The following MMP11 variants were observed in gnomAD, a reference collection of about 807,000 sequenced individuals.
The protein encoded by MMP11 is stromelysin-3.
In MMP11, 26 loss-of-function variants were observed where a neutral mutation model predicts 49.5. The observed-to-expected ratio is 0.52, with a 90% CI of 0.38 to 0.73. The LOEUF is 0.73. Among genes scored for constraint, MMP11 ranks in the 30% least tolerant of loss-of-function variants. The pLI is 0.00. For synonymous variants in MMP11, 265 were observed against 282.3 expected, an observed-to-expected ratio of 0.94 and a Z score of 0.62; for missense variants, 624 against 671.2, an observed-to-expected ratio of 0.93 and a Z score of 0.78.
At position 23,779,243 on chromosome 22, in the gene MMP11, G is replaced by T; in HGVS notation, c.165G>T (p.Leu55=). 1 of 1,608,908 alleles carries T rather than the reference G, an allele frequency of 6.2e-7. No homozygotes were observed. The highest frequency in any genetic ancestry group is 8.5e-7 in the Non-Finnish European group (1 of 1,178,376). The change falls in exon 2 of 8, where the codon CTG becomes CTT. Residue 55 remains leucine (L), a synonymous_variant. Coordinates refer to ENST00000215743, the MANE Select transcript of MMP11 (RefSeq NM_005940.5). ...GGCCACAGCCCTGGCATGCAGCCCT[G>T]CCCAGTAGCCCGGCACCTGCCCCTG... ...RRGPQPWHAA[L]PSSPAPAPAT... is the part of the protein sequence containing the mutation.
In MMP11 at chr22:23,780,319, G is replaced by C. The variant is rs750228358; in HGVS notation, c.339-40G>C. The C allele has an allele frequency of 1.9e-6, 3 of 1,611,684 alleles. No homozygotes were observed. The highest frequency in any genetic ancestry group is 4.5e-5 in the East Asian group (2 of 44,884). ...CCTGGTGCCTCAGCCATCGGGGGCT[G>C]TCCCTTCCCTGAGGCCCAGGCCCCT... On this transcript the variant is annotated intron_variant, in intron 2 of 7. Transcript: ENST00000215743. The surrounding 1 kb of genome is among the most constrained non-coding windows in gnomAD (Gnocchi z 4.6).
At chr22:23,779,064 TC>T (rs1927514162) in intron 1 of MMP11, 122 bp from the exon 2 acceptor site, 2 of 764,640 alleles carry the variant, frequency 2.6e-6, no homozygotes, top group Non-Finnish European at 4.2e-6. Context: ...CCTTTCCCTC[TC>T]CATTTGCCCA....
At position 23,780,102 on chromosome 22, in the gene MMP11, AT is replaced by A; in HGVS notation, c.339-256del. On this transcript the variant is annotated intron_variant, in intron 2 of 7. Coordinates refer to ENST00000215743, the MANE Select transcript of MMP11 (RefSeq NM_005940.5). This position sits in a 1 kb window ranked among gnomAD's most constrained non-coding sequence, Gnocchi z 4.6. ...AGTAAGTGGCACTGTCAGGTCTAGG[AT>A]GGGGGTCTCGGGACCCCTGGTCCTG... is the stretch of plus-strand genomic sequence containing the variant. 1 of 551,980 alleles carries A rather than the reference AT, an allele frequency of 1.8e-6. No individual in the cohort carries two copies. Among genetic ancestry groups the A allele is most frequent in the Admixed American group, 3.1e-5 (1 of 32,504 alleles). 34.2% of individuals were successfully genotyped at this position (551,980 alleles called of 1,614,324 possible).
chr22:23,783,590 G>T lies in MMP11; in HGVS notation c.*46G>T. On this transcript the variant is annotated 3_prime_UTR_variant, in exon 8 of 8. Transcript: ENST00000215743. ...GGGGTGCTGACCCCTGCCAGGCCAC[G>T]AATATCAGGCTAGAGACCCATGGCC... 2 of 1,610,164 alleles carry T rather than the reference G, an allele frequency of 1.2e-6. No homozygotes were observed. Among genetic ancestry groups the T allele is most frequent in the Non-Finnish European group, 8.5e-7 (1 of 1,177,076 alleles).
In MMP11 at chr22:23,781,186, ACCCCAGCCAGACG is replaced by A. The variant is rs1253850703; in HGVS notation, c.859-2_869del. 1 of 1,609,982 alleles carries A rather than the reference ACCCCAGCCAGACG, an allele frequency of 6.2e-7. No homozygotes were observed. Among genetic ancestry groups the A allele is most frequent in the Non-Finnish European group, 8.5e-7 (1 of 1,179,780 alleles). The stretch of plus-strand genomic sequence containing the variant: ...CCCTCAGCATGTGTCCCTCTCTCCC[ACCCCAGCCAGACG>A]CCCCGCCAGATGCCTGTGAGGCCTC... On this transcript the variant is annotated splice_acceptor_variant and splice_polypyrimidine_tract_variant and coding_sequence_variant and intron_variant, in exon 6 of 8. Transcript: ENST00000215743. LOFTEE classifies it high-confidence loss of function.
At chr22:23,781,616 G>A (rs1415080986) in intron 6 of MMP11, 6 of 634,060 alleles carry the variant, frequency 9.5e-6, no homozygotes, top group Non-Finnish European at 1.7e-5. Flanking sequence ...TAGGAGCAGC[G>A]TGGAAGGGAT....
At chr22:23,783,345 C>T (rs1927711440) in intron 7 of MMP11, 66 bp from the exon 8 acceptor site, 2 of 1,595,668 alleles carry the variant, frequency 1.3e-6, no homozygotes, top group Non-Finnish European at 1.7e-6. Context: ...TCCCTGGGCA[C>T]AGCCTGACAG....
rs1206296535 is a variant in MMP11, at chr22:23,772,902, C to CCG, written c.40_41dup (p.Leu15ProfsTer76). The CCG allele has an allele frequency of 3.4e-6, 4 of 1,172,160 alleles. No homozygotes were observed. Among genetic ancestry groups the CCG allele is most frequent in the Admixed American group, 4.6e-5 (1 of 21,926 alleles). The allele number at this position is 1,172,160 out of a possible 1,614,324, so 72.6% of individuals were successfully genotyped here. ...CCGGCCGCCTGGCTCCGCAGCGCGG[C>CCG]CGCGCGCGCCCTCCTGCCCCCGATG... On this transcript the variant is annotated frameshift_variant, in exon 1 of 8. Transcript: ENST00000215743. LOFTEE classifies it high-confidence loss of function.
chr22:23,781,465 G>A, intron 6 of MMP11, 56 bp downstream of exon 6: 1 of 1,482,160 alleles, frequency 6.7e-7, no homozygotes, highest in Non-Finnish European at 9.2e-7. Context: ...GAATGTTATG[G>A]CCAAGGGCAG....
At chr22:23,773,254 C>G (rs903941847) in intron 1 of MMP11, among the ~76,000 whole-genome samples, 2 of 152,206 alleles carry the variant, frequency 1.3e-5, no homozygotes, top group African/African-American at 4.8e-5. Context: ...GCCTCTCGCG[C>G]TCCAGCCGCG....
At position 23,781,325 on chromosome 22, in the gene MMP11, T is replaced by C; in HGVS notation, c.991T>C (p.Leu331=). Residue 331 remains leucine, a synonymous_variant, in exon 6 of 8, where the codon TTG becomes CTG. Transcript: ENST00000215743. The part of the protein sequence containing the change: ...GGQLQPGYPA[L]ASRHWQGLPS... ...CCAGCTGCAGCCCGGCTACCCAGCA[T>C]TGGCCTCTCGCCACTGGCAGGGACT... is the stretch of plus-strand genomic sequence containing the variant. 3.1e-6 allele frequency: 5 copies of C among 1,613,330 alleles called. No homozygotes were observed. The highest frequency in any genetic ancestry group is 2.2e-5 in the East Asian group (1 of 44,876).
chr22:23,779,870 A>G lies in MMP11; in HGVS notation c.338+454A>G, dbSNP rs376335475. ...GGTGGAGACAGTGGTAAGCGGGGAG[A>G]GGCAATAGTGGGCATCTCACTGGGT... is the stretch of plus-strand genomic sequence containing the variant. On this transcript the variant is annotated intron_variant, in intron 2 of 7. Transcript: ENST00000215743. The G allele has an allele frequency of 1.6e-5, 4 of 256,104 alleles. No individual in the cohort carries two copies. The South Asian group carries it at 2.5e-4, about 16-fold the overall frequency. 15.9% of individuals were successfully genotyped at this position (256,104 alleles called of 1,614,324 possible).
chr22:23,780,331 A>G lies in MMP11; in HGVS notation c.339-28A>G. On this transcript the variant is annotated intron_variant, in intron 2 of 7. Coordinates refer to ENST00000215743, the MANE Select transcript of MMP11 (RefSeq NM_005940.5). The surrounding 1 kb of genome is among the most constrained non-coding windows in gnomAD (Gnocchi z 4.6). ...GCCATCGGGGGCTGTCCCTTCCCTG[A>G]GGCCCAGGCCCCTCCATCTCCCTCC... 1 of 1,611,972 alleles carries G rather than the reference A, an allele frequency of 6.2e-7. No homozygotes were observed. Among genetic ancestry groups the G allele is most frequent in the South Asian group, 1.1e-5 (1 of 91,000 alleles).
rs747335061 is a variant in MMP11, at chr22:23,781,781, A to C, written c.1075+372A>C. ...GGCAGGGAATTGATCCAGGTCTATCATCCTAGAGCTGGGATTTCCATCCTC... is the reference window on the plus strand; with the variant it reads ...GGCAGGGAATTGATCCAGGTCTATCCTCCTAGAGCTGGGATTTCCATCCTC... On this transcript the variant is annotated intron_variant, in intron 6 of 7. Coordinates refer to ENST00000215743, the MANE Select transcript of MMP11 (RefSeq NM_005940.5). The C allele has an allele frequency of 1.2e-5, 7 of 593,284 alleles. No individual in the cohort carries two copies. The East Asian group carries it at 2.4e-4, about 20-fold the overall frequency. 36.8% of individuals were successfully genotyped at this position (593,284 alleles called of 1,614,324 possible). A position where few individuals can be genotyped will look rare whatever the true frequency, so the allele number is the denominator to read the frequency against.
chr22:23,781,510 T>C (rs1471453672), intron 6 of MMP11, 101 bp downstream of exon 6: 1 of 1,136,334 alleles, frequency 8.8e-7, no homozygotes, highest in Non-Finnish European at 1.3e-6. Context: ...ACACAGTGGA[T>C]AGGGAGAGCT....
At chr22:23,777,114 G>A (rs1300309409) in intron 1 of MMP11, among the ~76,000 whole-genome samples, 2 of 142,050 alleles carry the variant, frequency 1.4e-5, no homozygotes, top group Non-Finnish European at 3.1e-5. Flanking sequence ...GCCAACCAGT[G>A]CTAAGTACTT....
Position 23,778,201 on chromosome 22 carries a change from C to A in MMP11, c.109-986C>A, listed in dbSNP as rs28363637. Among the ~76,000 whole-genome samples the A allele has an allele frequency of 7.5e-3, 1,140 of 152,372 alleles. 12 individuals are homozygous for A. Among genetic ancestry groups the A allele is most frequent in the African/African-American group, 0.025 (1,034 of 41,586 alleles). ...CCAGAGCCAGGCCTTAGCCTTAGGCCTGAGCCACCAGAGTCCTGGCCTGGC... is the reference window on the plus strand; with the variant it reads ...CCAGAGCCAGGCCTTAGCCTTAGGCATGAGCCACCAGAGTCCTGGCCTGGC... On this transcript the variant is annotated intron_variant, in intron 1 of 7. Coordinates refer to ENST00000215743, the MANE Select transcript of MMP11 (RefSeq NM_005940.5).
chr22:23,782,495 G>T lies in MMP11; in HGVS notation c.1333+12G>T. On this transcript the variant is annotated intron_variant, in intron 7 of 7. Transcript: ENST00000215743. ...CCAGGATGCTGATGGTGCGTTGGGG[G>T]TGAGGCAGCTGGTGGGAGGTGGGCA... 2 of 1,597,358 alleles carry T rather than the reference G, an allele frequency of 1.3e-6. No homozygotes were observed. The highest frequency in any genetic ancestry group is 1.3e-5 in the African/African-American group (1 of 74,736).
At chr22:23,779,162 A>C (rs1927518192) in intron 1 of MMP11, 25 bp from the exon 2 acceptor site, 1 of 1,539,752 alleles carries the variant, frequency 6.5e-7, no homozygotes, top group African/African-American at 1.4e-5. Context: ...GCCTGACCAG[A>C]CCCTCATGTC....
Sources: allele counts gnomAD v4.1 joint callset (sites outside exome capture counted in the v4.1 genomes callset), GRCh38; gene constraint gnomAD v4.1.1; non-coding constraint Gnocchi (gnomAD v3.1); transcripts MANE v1.5; gene names NCBI Gene and HGNC (gene_info 2026-07-23, HGNC 2026-07-21).